Variants in SMARCC1 observed in about 807,000 individuals in gnomAD.
SMARCC1 encodes SWI/SNF complex subunit SMARCC1.
SMARCC1 carries 43 observed loss-of-function variants against 147.4 expected under a neutral mutation model. The ratio of observed to expected loss-of-function variants is 0.29; its 90% CI spans 0.23 to 0.38. The LOEUF (loss-of-function observed/expected upper bound fraction) is 0.38. SMARCC1 is among the 10% of genes least tolerant of loss of function. The pLI, the probability that SMARCC1 is intolerant of heterozygous loss-of-function variation, is 1.00. For missense variants in SMARCC1, 1,119 were observed against 1,381.1 expected (o/e 0.81, Z 3.01); for synonymous variants, 495 against 484.4 (o/e 1.02, Z -0.29).
At position 47,635,280 on chromosome 3, in the gene SMARCC1, A is replaced by G. The variant is rs776141198; in HGVS notation, c.2556T>C (p.Thr852=). Residue 852 remains threonine, a synonymous_variant, in exon 24 of 28, where the codon ACT becomes ACC. Transcript: ENST00000254480. The part of the protein sequence containing the change: ...TDTCKERESD[T]GKKKVEHEIS... The stretch of plus-strand genomic sequence containing the variant: ...TTTCATGTTCTACTTTCTTCTTCCC[A>G]GTATCACTTTCTCTTTCTTTACATG... 1.9e-6 allele frequency: 3 copies of G among 1,612,770 alleles called. No homozygotes were observed. The highest frequency in any genetic ancestry group is 2.2e-5 in the East Asian group (1 of 44,878).
At chr3:47,629,999 C>G (rs2032865702) in intron 24 of SMARCC1, among the ~76,000 whole-genome samples, 1 of 151,534 alleles carries the variant, frequency 6.6e-6, no homozygotes, top group Admixed American at 6.6e-5. Flanking sequence ...GCAGAAGCTA[C>G]AGGGAGAGGC....
intron 4 of SMARCC1, among the ~76,000 whole-genome samples, chr3:47,737,268 C>A (rs2034454763): frequency 1.3e-5 from 2 of 152,252 alleles, no homozygotes; most frequent in African/African-American, 4.8e-5. Flanking sequence ...ATGGCGTGTG[C>A]CTGTAGTCCC....
chr3:47,735,716 T>C (rs2034433829), intron 5 of SMARCC1, among the ~76,000 whole-genome samples: 1 of 151,986 alleles, frequency 6.6e-6, no homozygotes, highest in Non-Finnish European at 1.5e-5. Flanking sequence ...ATTGCACCCC[T>C]ACACTCTAGC....
rs770835880 is a variant in SMARCC1 at position 47,676,774 on chromosome 3, G to A, written c.1580C>T (p.Ala527Val). Residue 527 changes from alanine (A) to valine (V), a missense_variant, in exon 17 of 28, where the codon GCC (alanine) becomes GTC (valine). Physicochemically the swap from Ala to Val is moderately conservative, Grantham distance 64. This residue lies in a region of SMARCC1 where 178 missense variants were observed against 264.6 expected (regional missense o/e 0.67). Coordinates refer to ENST00000254480, the MANE Select transcript of SMARCC1 (RefSeq NM_003074.4). ...GDVCAVMRVHAFLEQWGLVNY... is the reference protein window; with the variant it reads ...GDVCAVMRVHVFLEQWGLVNY... ...AACGAGTCCCCACTGCTCTAAAAAG[G>A]CATGGACCCTAAAGAATAAAGCTCG... 2 of 1,613,176 alleles carry A rather than the reference G, an allele frequency of 1.2e-6. No individual in the cohort carries two copies. Among genetic ancestry groups the A allele is most frequent in the South Asian group, 2.2e-5 (2 of 91,004 alleles).
Position 47,676,717 on chromosome 3 carries a change from A to G in SMARCC1, c.1637T>C (p.Met546Thr). The G allele has an allele frequency of 1.2e-6, 2 of 1,613,692 alleles. No individual in the cohort carries two copies. Among genetic ancestry groups the G allele is most frequent in the Admixed American group, 1.7e-5 (1 of 60,010 alleles). Reference protein sequence around the residue: ...NYQVDPESRPMAMGPPPTPHF... With the variant: ...NYQVDPESRPTAMGPPPTPHF... ...AGGAGTAGGAGGAGGTCCCATTGCC[A>G]TGGGTCTACTTTCCGGGTCAACTTG... Residue 546 changes from methionine (M) to threonine (T), a missense_variant, in exon 17 of 28, where the codon ATG becomes ACG. Physicochemically the swap from Met to Thr is moderately conservative, Grantham distance 81. Around this residue, in one of 6 missense-constraint regions of SMARCC1, gnomAD observed 178 missense variants for 264.6 expected, o/e 0.67. Coordinates refer to ENST00000254480, the MANE Select transcript of SMARCC1 (RefSeq NM_003074.4).
chr3:47,684,226 C>T (rs1488288307), intron 14 of SMARCC1, among the ~76,000 whole-genome samples: 12 of 137,144 alleles, frequency 8.7e-5, no homozygotes, highest in African/African-American at 2.5e-4. Context: ...GGCGACAGAG[C>T]GAGACTCCGT....
intron 2 of SMARCC1, among the ~76,000 whole-genome samples, chr3:47,755,298 C>T (rs574336856): frequency 7.4e-4 from 111 of 150,690 alleles, no homozygotes; most frequent in Admixed American, 6.7e-4. Flanking sequence ...GTTAGGAGAT[C>T]GAGACCATCC....
chr3:47,604,481 A>G (rs566266811), intron 26 of SMARCC1: 2 of 366,142 alleles, frequency 5.5e-6, no homozygotes, highest in South Asian at 2.1e-5. Context: ...CTTAGGAATC[A>G]TGAGTTGGAA....
chr3:47,779,396 A>C (rs540310811), intron 1 of SMARCC1, among the ~76,000 whole-genome samples: 3 of 152,260 alleles, frequency 2.0e-5, no homozygotes, highest in South Asian at 4.1e-4. Context: ...TGTAGAAAAG[A>C]AGCAAAGAAC....
At chr3:47,718,138 CAAAAAA>C (rs71070217) in intron 7 of SMARCC1, among the ~76,000 whole-genome samples, 23 of 53,668 alleles carry the variant, frequency 4.3e-4, no homozygotes, top group Admixed American at 1.2e-3. Context: ...GACCTTGTCT[CAAAAAA>C]AAAAAAAAAA....
chr3:47,692,734 G>A (rs2033804583), intron 12 of SMARCC1, among the ~76,000 whole-genome samples: 4 of 152,078 alleles, frequency 2.6e-5, no homozygotes, highest in Admixed American at 2.0e-4. Context: ...CTTAAGAAAG[G>A]AGTATCGGCC....
intron 10 of SMARCC1, among the ~76,000 whole-genome samples, chr3:47,705,906 T>C (rs1003349921): frequency 4.6e-5 from 7 of 152,056 alleles, no homozygotes; most frequent in African/African-American, 1.7e-4. Context: ...CTCAAAACAA[T>C]CTATTCAGTA....
At chr3:47,594,553 A>T (rs2032238877) in intron 26 of SMARCC1, among the ~76,000 whole-genome samples, 1 of 152,210 alleles carries the variant, frequency 6.6e-6, no homozygotes, top group Non-Finnish European at 1.5e-5. Context: ...TGGCAAGAAC[A>T]CTAAAGGCAT....
At chr3:47,674,766 G>T (rs77053338) in intron 18 of SMARCC1, among the ~76,000 whole-genome samples, 4 of 152,140 alleles carry the variant, frequency 2.6e-5, no homozygotes. Flanking sequence ...CTTGTTTTGT[G>T]AGTTGGTATC....
At chr3:47,596,952 T>C (rs1169302083) in intron 26 of SMARCC1, among the ~76,000 whole-genome samples, 5 of 151,784 alleles carry the variant, frequency 3.3e-5, no homozygotes, top group Non-Finnish European at 7.4e-5. Flanking sequence ...TCCCGGCACT[T>C]TGGGAGGCCG....
chr3:47,733,462 A>G (rs1165393720), intron 5 of SMARCC1, among the ~76,000 whole-genome samples: 2 of 152,192 alleles, frequency 1.3e-5, no homozygotes. Flanking sequence ...GTTGTTAAAA[A>G]AAGAACAAGA....
chr3:47,689,858 A>G (rs2033770663), intron 12 of SMARCC1, among the ~76,000 whole-genome samples: 1 of 152,242 alleles, frequency 6.6e-6, no homozygotes, highest in African/African-American at 2.4e-5. Context: ...TTCTGAGGAT[A>G]GAGGGCTTAG....
intron 3 of SMARCC1, 87 bp from the exon 4 acceptor site, chr3:47,738,197 TA>T (rs2106831635): frequency 1.3e-6 from 1 of 788,326 alleles, no homozygotes; most frequent in Admixed American, 3.1e-5. Flanking sequence ...GCAAATGAGT[TA>T]GAAAGATTTG....
chr3:47,590,737 A>G lies in SMARCC1; in HGVS notation c.3144T>C (p.Pro1048=). The part of the protein sequence containing the change: ...AANIHPSGSG[P]TPPGMPPMPG... ...GCATTGGTGGCATGCCAGGAGGGGT[A>G]GGGCCACTCCCAGAGGGGTGGATGT... Residue 1048 remains proline, a synonymous_variant, in exon 27 of 28, where the codon CCT becomes CCC. Coordinates refer to ENST00000254480, the MANE Select transcript of SMARCC1 (RefSeq NM_003074.4). 1 of 1,601,126 alleles carries G rather than the reference A, an allele frequency of 6.2e-7. No homozygotes were observed. Among genetic ancestry groups the G allele is most frequent in the South Asian group, 1.1e-5 (1 of 88,842 alleles).
Sources: gnomAD v4.1 joint callset for allele counts (sites outside exome capture counted in the v4.1 genomes callset) on GRCh38, gnomAD v4.1.1 for gene constraint, gnomAD v4.1.1 regional missense constraint, MANE v1.5 for transcripts, NCBI Gene and HGNC (gene_info 2026-07-23, HGNC 2026-07-21) for gene names.